The following RUFY1 variants were observed in gnomAD, a reference collection of about 807,000 sequenced individuals.
RUFY1 encodes RUN and FYVE domain containing 1.
In RUFY1, 54 loss-of-function variants were observed where a neutral mutation model predicts 94.6. That is an observed-to-expected ratio of 0.57 (90% CI 0.46 to 0.72). The LOEUF is 0.72. RUFY1 is among the 30% of genes least tolerant of loss of function. The probability of loss-of-function intolerance (pLI) is 0.00; values close to 1 mark genes in which losing one functional copy is unlikely to be tolerated. For synonymous variants in RUFY1, 396 were observed against 347.3 expected (o/e 1.14, Z -1.56); for missense variants, 883 against 883.9 (o/e 1.00, Z 0.01).
intron 10 of RUFY1, 21 bp downstream of exon 10, chr5:179,591,762 G>A (rs777350530): frequency 2.1e-6 from 3 of 1,403,832 alleles, no homozygotes; most frequent in East Asian, 4.6e-5. Flanking sequence ...AAGACCGAGT[G>A]TCTTTAGAAA....
At chr5:179,558,890 G>A (rs763732802) in intron 1 of RUFY1, among the ~76,000 whole-genome samples, 5 of 152,184 alleles carry the variant, frequency 3.3e-5, no homozygotes, top group Non-Finnish European at 7.3e-5. Context: ...AATAAAACAG[G>A]TAAAGGATTA....
At chr5:179,605,235 C>T (rs1766935661) in intron 15 of RUFY1, among the ~76,000 whole-genome samples, 2 of 148,786 alleles carry the variant, frequency 1.3e-5, no homozygotes, top group Non-Finnish European at 3.0e-5. Context: ...GCCATGATTG[C>T]ACCACTGCAT....
At chr5:179,595,270 G>T (rs1025438908) in intron 12 of RUFY1, among the ~76,000 whole-genome samples, 2 of 152,152 alleles carry the variant, frequency 1.3e-5, no homozygotes, top group African/African-American at 4.8e-5. Context: ...ACGAGGTCAG[G>T]AGATCGAGAC....
At chr5:179,576,942 C>A in intron 5 of RUFY1, 133 bp from the exon 6 acceptor site, 1 of 621,260 alleles carries the variant, frequency 1.6e-6, no homozygotes, top group Non-Finnish European at 2.8e-6. Context: ...TTGATTTCCA[C>A]TTCATAGAGC....
In RUFY1 at chr5:179,600,684, C is replaced by CTTTTTTTT. The variant is rs398000079; in HGVS notation, c.1762-1185_1762-1178dup. Among the ~76,000 whole-genome samples, 368 of 54,720 alleles carry CTTTTTTTT rather than the reference C, an allele frequency of 6.7e-3. 65 individuals carry two copies. Among genetic ancestry groups the CTTTTTTTT allele is most frequent in the African/African-American group, 0.027 (333 of 12,454 alleles). The allele number at this position is 54,720 out of a possible 152,430, so 35.9% of individuals were successfully genotyped here. ...AGCCTCATTTGTCCTATGATGGTAACTTTTTTTTTTTTTTTTTTTTTTTTT... is the reference window on the plus strand; with the variant it reads ...AGCCTCATTTGTCCTATGATGGTAACTTTTTTTTTTTTTTTTTTTTTTTTTTTTTTTTT... On this transcript the variant is annotated intron_variant, in intron 14 of 17. Coordinates refer to ENST00000319449, the MANE Select transcript of RUFY1 (RefSeq NM_025158.5).
Position 179,550,722 on chromosome 5 carries a change from G to T in RUFY1, c.153G>T (p.Arg51=). 6.7e-7 allele frequency: 1 copy of T among 1,482,548 alleles called. No individual in the cohort carries two copies. The highest frequency in any genetic ancestry group is 2.9e-5 in the East Asian group (1 of 34,364). The allele number at this position is 1,482,548 out of a possible 1,614,324, so 91.8% of individuals were successfully genotyped here. The change falls in exon 1 of 18, where the codon CGG becomes CGT. Residue 51 remains arginine (R), a synonymous_variant. Transcript: ENST00000319449. ...AGCTGCCCGGCCCAGGCGACCTGCG[G>T]AGCGCAACGAGGCCGCGGGCGGCCG... is the stretch of plus-strand genomic sequence containing the variant. ...RSQLPGPGDL[R]SATRPRAAEG...
chr5:179,587,051 T>C (rs1172712444), intron 8 of RUFY1, among the ~76,000 whole-genome samples: 3 of 152,194 alleles, frequency 2.0e-5, no homozygotes, highest in Admixed American at 6.5e-5. Flanking sequence ...AGCAGAGTTA[T>C]GTGGGGTTTT....
rs764810036 is a variant in RUFY1 at position 179,567,461 on chromosome 5, G to A, written c.603G>A (p.Lys201=). Residue 201 remains lysine (K), a splice_region_variant and synonymous_variant, in exon 4 of 18, where the codon AAG becomes AAA. Coordinates refer to ENST00000319449, the MANE Select transcript of RUFY1 (RefSeq NM_025158.5). The stretch of plus-strand genomic sequence containing the variant: ...AGTTGATTCTCTGTTTGAATTCTAG[G>A]ACAGCTGTGGGAAGAGGCCGAGCGT... The part of the protein sequence containing the change: ...ATSVRNLPEL[K]TAVGRGRAWL... The A allele has an allele frequency of 3.1e-6, 5 of 1,611,670 alleles. No homozygotes were observed. Among genetic ancestry groups the A allele is most frequent in the Non-Finnish European group, 2.5e-6 (3 of 1,177,876 alleles).
intron 3 of RUFY1, 131 bp downstream of exon 3, chr5:179,562,795 C>T (rs1581432297): frequency 1.6e-6 from 1 of 644,020 alleles, no homozygotes; most frequent in East Asian, 2.6e-5. Context: ...CACATGATCT[C>T]TAGCAAGACT....
intron 1 of RUFY1, among the ~76,000 whole-genome samples, chr5:179,558,631 C>A (rs1011881651): frequency 3.3e-5 from 5 of 151,852 alleles, no homozygotes; most frequent in African/African-American, 1.2e-4. Flanking sequence ...CCACTTTTAA[C>A]CCTCTCCACA....
At chr5:179,602,091 AT>A in intron 15 of RUFY1, 105 bp downstream of exon 15, 1 of 883,892 alleles carries the variant, frequency 1.1e-6, no homozygotes, top group Non-Finnish European at 1.8e-6. Flanking sequence ...AGGGTGGGCC[AT>A]TTAGGAGCTC....
intron 2 of RUFY1, among the ~76,000 whole-genome samples, chr5:179,560,774 G>A (rs1762399969): frequency 6.6e-6 from 1 of 150,750 alleles, no homozygotes; most frequent in Admixed American, 6.6e-5. Flanking sequence ...TAGATGAGAT[G>A]CCTTTCTGTG....
intron 14 of RUFY1, chr5:179,600,203 GT>G (rs1407344980): frequency 6.6e-6 from 1 of 152,242 alleles, no homozygotes; most frequent in Non-Finnish European, 1.5e-5. Flanking sequence ...TTGCAAGCCT[GT>G]GCATGGAAGC....
chr5:179,600,778 C>G (rs1434460835), intron 14 of RUFY1, among the ~76,000 whole-genome samples: 1 of 142,032 alleles, frequency 7.0e-6, no homozygotes, highest in Non-Finnish European at 1.5e-5. Flanking sequence ...CTCACTGCAA[C>G]CTCCGCCTCC....
At chr5:179,583,750 A>T (rs28674968) in intron 7 of RUFY1, among the ~76,000 whole-genome samples, 2 of 134,352 alleles carry the variant, frequency 1.5e-5, no homozygotes, top group Non-Finnish European at 3.2e-5. Flanking sequence ...TTTATTTTTT[A>T]TTTTATTTTA....
intron 1 of RUFY1, among the ~76,000 whole-genome samples, chr5:179,556,924 T>TTTTG (rs1284247637): frequency 1.3e-5 from 2 of 152,356 alleles, no homozygotes; most frequent in East Asian, 3.9e-4. Flanking sequence ...TAGTCCTGTT[T>TTTTG]TTTGTTTGTT....
intron 5 of RUFY1, among the ~76,000 whole-genome samples, chr5:179,575,079 G>A (rs1189114202): frequency 7.0e-6 from 1 of 143,706 alleles, no homozygotes; most frequent in African/African-American, 2.6e-5. Flanking sequence ...ACAGGTGATG[G>A]TAAAGATTCT....
intron 17 of RUFY1, 111 bp from the exon 18 acceptor site, chr5:179,609,265 A>AC: frequency 9.2e-7 from 1 of 1,092,266 alleles, no homozygotes; most frequent in Non-Finnish European, 1.3e-6. Flanking sequence ...CCCCACAGAA[A>AC]CATAAGAACC....
rs765166105 is a variant in RUFY1, at chr5:179,605,833, A to ACTCT, written c.1857-37_1857-34dup. The ACTCT allele has an allele frequency of 5.2e-6, 6 of 1,159,716 alleles. No individual in the cohort carries two copies. In the African/African-American group the frequency reaches 7.6e-5, roughly 15 times the overall value. The allele number at this position is 1,159,716 out of a possible 1,614,324, so 71.8% of individuals were successfully genotyped here. ...AGCTGTGTTAGGGATTCAGAGCCTC[A>ACTCT]CTCTCTCTCACTGCTATGAAATGGC... On this transcript the variant is annotated intron_variant, in intron 15 of 17. Coordinates refer to ENST00000319449, the MANE Select transcript of RUFY1 (RefSeq NM_025158.5).
Sources: gnomAD v4.1 joint callset for allele counts (sites outside exome capture counted in the v4.1 genomes callset) on GRCh38, gnomAD v4.1.1 for gene constraint, MANE v1.5 for transcripts, NCBI Gene and HGNC (gene_info 2026-07-23, HGNC 2026-07-21) for gene names.